Variants in HS6ST2 observed in about 807,000 individuals in gnomAD.
HS6ST2 encodes heparan-sulfate 6-O-sulfotransferase 2.
Under a neutral mutation model 33.0 loss-of-function variants are expected in HS6ST2, and 17 were observed. The observed-to-expected ratio is 0.52, with a 90% confidence interval of 0.35 to 0.77. The LOEUF is 0.77. Among genes scored for constraint, HS6ST2 ranks in the 30% least tolerant of loss-of-function variants. The probability of loss-of-function intolerance (pLI) is 0.01; values close to 1 mark genes in which losing one functional copy is unlikely to be tolerated. For missense variants in HS6ST2, 519 were observed against 551.7 expected (o/e 0.94, Z 0.59); for synonymous variants, 248 against 237.1 (o/e 1.05, Z -0.42).
intron 2 of HS6ST2, among the ~76,000 whole-genome samples, chrX:132,771,821 T>C (rs1156997250): frequency 1.8e-5 from 2 of 111,876 alleles, no homozygotes; most frequent in Non-Finnish European, 3.8e-5. Context: ...TGCCTAAAAA[T>C]AAAGTTTGGA....
chrX:132,781,184 T>A, intron 2 of HS6ST2, among the ~76,000 whole-genome samples: 2 of 112,430 alleles, frequency 1.8e-5, no homozygotes, highest in South Asian at 7.4e-4. Flanking sequence ...ATAAAGGTAG[T>A]CATAACATGA....
At position 132,739,421 on chromosome X, in the gene HS6ST2, C is replaced by T. The variant is rs1391771743; in HGVS notation, c.948-30927G>A. On this transcript the variant is annotated intron_variant, in intron 2 of 4. Transcript: ENST00000370833. The stretch of plus-strand genomic sequence containing the variant: ...TTAAGCTGGACTATCATTCCCTTAG[C>T]CTCATTTTTTATTCTATAAATTGTG... 3.6e-5 allele frequency among the ~76,000 whole-genome samples: 4 copies of T among 111,540 alleles called. No individual in the cohort carries two copies. The East Asian group carries it at 1.1e-3, about 31-fold the overall frequency.
intron 2 of HS6ST2, among the ~76,000 whole-genome samples, chrX:132,775,057 C>T (rs2064943699): frequency 9.0e-6 from 1 of 110,756 alleles, no homozygotes; most frequent in Non-Finnish European, 1.9e-5. Flanking sequence ...CACTAAGTAG[C>T]CTGTTTTCCA....
intron 2 of HS6ST2, among the ~76,000 whole-genome samples, chrX:132,780,996 T>C (rs753344387): frequency 8.9e-6 from 1 of 112,167 alleles, no homozygotes; most frequent in African/African-American, 3.2e-5. Flanking sequence ...TGAGACAGCA[T>C]ACTGTGGCAC....
In HS6ST2 at chrX:132,815,151, C is replaced by T. The variant is rs971223351; in HGVS notation, c.948-106657G>A. On this transcript the variant is annotated intron_variant, in intron 2 of 4. Transcript: ENST00000370833. ...ACTCAAAAATATATGTTGGAAGAAACGAAATAGAAATTATGTATGAATACA... is the reference window on the plus strand; with the variant it reads ...ACTCAAAAATATATGTTGGAAGAAATGAAATAGAAATTATGTATGAATACA... Among the ~76,000 whole-genome samples the T allele has an allele frequency of 2.7e-5, 3 of 111,473 alleles. No homozygotes were observed. The Admixed American group carries it at 2.9e-4, about 11-fold the overall frequency.
At chrX:132,891,848 G>T (rs1400753729) in intron 2 of HS6ST2, among the ~76,000 whole-genome samples, 1 of 111,583 alleles carries the variant, frequency 9.0e-6, no homozygotes, top group Non-Finnish European at 1.9e-5. Context: ...ACAAACATAT[G>T]TGTGCATGTG....
rs140662618 is a variant in HS6ST2, at chrX:132,673,328, T to C, written c.981-4129A>G. On this transcript the variant is annotated intron_variant, in intron 3 of 4. Transcript: ENST00000370833. ...AAGAAGTGTCATGATTGAGTATTAATGTCTTGCACCAGTTTGAGAGAAGGA... is the reference window on the plus strand; with the variant it reads ...AAGAAGTGTCATGATTGAGTATTAACGTCTTGCACCAGTTTGAGAGAAGGA... Among the ~76,000 whole-genome samples, 382 of 112,530 alleles carry C rather than the reference T, an allele frequency of 3.4e-3. 2 individuals carry two copies. Among genetic ancestry groups the C allele is most frequent in the African/African-American group, 0.012 (372 of 31,042 alleles).
chrX:132,830,745 A>C (rs2065581284), intron 2 of HS6ST2, among the ~76,000 whole-genome samples: 1 of 111,565 alleles, frequency 9.0e-6, no homozygotes, highest in Non-Finnish European at 1.9e-5. Context: ...GGCCTCCTTC[A>C]AAGTAGGCTG....
At chrX:132,834,350 AC>A (rs2065621365) in intron 2 of HS6ST2, among the ~76,000 whole-genome samples, 1 of 111,824 alleles carries the variant, frequency 8.9e-6, no homozygotes, top group East Asian at 2.8e-4. Context: ...GATCTGTTTG[AC>A]CTCTCAGAGC....
At chrX:132,895,424 C>A (rs1054484775) in intron 2 of HS6ST2, among the ~76,000 whole-genome samples, 1 of 111,098 alleles carries the variant, frequency 9.0e-6, no homozygotes, top group African/African-American at 3.3e-5. Flanking sequence ...GTATACTTCT[C>A]TTCTATAAGG....
intron 3 of HS6ST2, among the ~76,000 whole-genome samples, chrX:132,682,602 T>C (rs910501383): frequency 9.1e-6 from 1 of 110,203 alleles, no homozygotes; most frequent in Non-Finnish European, 1.9e-5. Context: ...CTTAGAATTA[T>C]GGATTTTTAG....
intron 2 of HS6ST2, among the ~76,000 whole-genome samples, chrX:132,843,373 A>G (rs2065723790): frequency 1.8e-5 from 2 of 112,130 alleles, no homozygotes; most frequent in Admixed American, 1.9e-4. Context: ...GATGTCCTTA[A>G]TATTTTGCAA....
chrX:132,809,709 T>A, intron 2 of HS6ST2, among the ~76,000 whole-genome samples: 1 of 112,145 alleles, frequency 8.9e-6, no homozygotes, highest in East Asian at 2.8e-4. Context: ...TTTATGATCC[T>A]ATCACATGGC....
intron 2 of HS6ST2, among the ~76,000 whole-genome samples, chrX:132,774,535 A>G (rs1281116918): frequency 9.0e-6 from 1 of 111,654 alleles, no homozygotes; most frequent in Non-Finnish European, 1.9e-5. Context: ...ACTGAAGTTG[A>G]GGTTGGTTTA....
chrX:132,934,091 C>G (rs201837663), intron 2 of HS6ST2, among the ~76,000 whole-genome samples: 2 of 32,880 alleles, frequency 6.1e-5, no homozygotes, highest in African/African-American at 2.1e-4. Context: ...GTAATAATAA[C>G]AAAATACAGT....
At chrX:132,913,381 T>C (rs1267387366) in intron 2 of HS6ST2, among the ~76,000 whole-genome samples, 1 of 112,403 alleles carries the variant, frequency 8.9e-6, no homozygotes, top group African/African-American at 3.2e-5. Flanking sequence ...GCTCAGGCTG[T>C]GGATGGTGGG....
chrX:132,751,637 G>C (rs2064708538), intron 2 of HS6ST2, among the ~76,000 whole-genome samples: 2 of 112,635 alleles, frequency 1.8e-5, no homozygotes, highest in Non-Finnish European at 3.8e-5. Flanking sequence ...GAAAAGGAAG[G>C]ACAAGAAATC....
chrX:132,719,567 A>G (rs750993566), intron 2 of HS6ST2, among the ~76,000 whole-genome samples: 8 of 111,947 alleles, frequency 7.1e-5, no homozygotes, highest in Non-Finnish European at 1.3e-4. Context: ...CATCTAAGAC[A>G]TAAAGAATGG....
At chrX:132,739,236 A>G (rs1314179625) in intron 2 of HS6ST2, among the ~76,000 whole-genome samples, 4 of 111,395 alleles carry the variant, frequency 3.6e-5, no homozygotes, top group Non-Finnish European at 7.5e-5. Context: ...CAGTATTTAA[A>G]GAGAGACTGC....
Sources: allele counts gnomAD v4.1 joint callset (sites outside exome capture counted in the v4.1 genomes callset), GRCh38; gene constraint gnomAD v4.1.1; transcripts MANE v1.5; gene names NCBI Gene and HGNC (gene_info 2026-07-23, HGNC 2026-07-21).